The following PARD3 variants were observed in gnomAD, a reference collection of about 807,000 sequenced individuals.
PARD3 encodes partitioning defective 3 homolog.
A neutral mutation model predicts 155.4 loss-of-function variants in PARD3; 75 were observed. The observed-to-expected ratio is 0.48, with a 90% CI of 0.40 to 0.58. PARD3 has a LOEUF of 0.58. PARD3 is among the 20% of genes least tolerant of loss of function. PARD3 has a pLI of 0.00. For missense variants in PARD3, 1,642 were observed against 1,721.7 expected (o/e 0.95, Z 0.82); for synonymous variants, 576 against 610.5 (o/e 0.94, Z 0.83).
At chr10:34,357,043 A>G (rs1838957423) in intron 14 of PARD3, among the ~76,000 whole-genome samples, 1 of 152,236 alleles carries the variant, frequency 6.6e-6, no homozygotes, top group Admixed American at 6.5e-5. Flanking sequence ...CATATGGAGA[A>G]GTGAATAAAA....
At chr10:34,138,119 A>G (rs1487462648) in intron 22 of PARD3, among the ~76,000 whole-genome samples, 1 of 152,360 alleles carries the variant, frequency 6.6e-6, no homozygotes, top group African/African-American at 2.4e-5. Flanking sequence ...AGAAGAGTGG[A>G]ATCAAAGACA....
chr10:34,370,384 G>A (rs1237271467), intron 12 of PARD3, among the ~76,000 whole-genome samples: 1 of 152,124 alleles, frequency 6.6e-6, no homozygotes, highest in Non-Finnish European at 1.5e-5. Flanking sequence ...GGTGACTGAG[G>A]AATTCACAGC....
At chr10:34,598,494 C>T (rs989136723) in intron 2 of PARD3, among the ~76,000 whole-genome samples, 8 of 152,092 alleles carry the variant, frequency 5.3e-5, no homozygotes, top group Non-Finnish European at 7.4e-5. Flanking sequence ...TACACTGTAA[C>T]TTTTCAGAGC....
In PARD3 at chr10:34,217,039, C is replaced by T. The variant is rs1225127135; in HGVS notation, c.3419+52618G>A. ...ACTTCTGTGGTTATGAAACCTCAAA[C>T]GCTTATCCATCAGAGCATCATTCTT... On this transcript the variant is annotated intron_variant, in intron 22 of 24. Coordinates refer to ENST00000374788, the MANE Select transcript of PARD3 (RefSeq NM_001184785.2). 5.3e-5 allele frequency among the ~76,000 whole-genome samples: 8 copies of T among 152,312 alleles called. No homozygotes were observed. In the South Asian group the frequency reaches 6.2e-4, roughly 12 times the overall value.
chr10:34,332,117 A>T (rs987890112), intron 18 of PARD3, among the ~76,000 whole-genome samples: 1 of 152,210 alleles, frequency 6.6e-6, no homozygotes, highest in Admixed American at 6.5e-5. Context: ...ACGACTTAGC[A>T]ATTAACCAGA....
chr10:34,376,668 T>C (rs1004345115), intron 10 of PARD3, among the ~76,000 whole-genome samples: 1 of 152,154 alleles, frequency 6.6e-6, no homozygotes, highest in Admixed American at 6.5e-5. Context: ...GGAATAAAAT[T>C]TAAGGGATCT....
chr10:34,199,832 C>T (rs1951125092), intron 22 of PARD3, among the ~76,000 whole-genome samples: 1 of 152,088 alleles, frequency 6.6e-6, no homozygotes, highest in Non-Finnish European at 1.5e-5. Flanking sequence ...GCAATTTCTA[C>T]CTGGCTTCTC....
chr10:34,669,015 T>C (rs886312598), intron 2 of PARD3, among the ~76,000 whole-genome samples: 7 of 152,218 alleles, frequency 4.6e-5, no homozygotes, highest in Non-Finnish European at 8.8e-5. Context: ...CAGGTGGGAA[T>C]GTAAATTAGT....
At chr10:34,157,487 C>T (rs1410541027) in intron 22 of PARD3, among the ~76,000 whole-genome samples, 6 of 152,172 alleles carry the variant, frequency 3.9e-5, no homozygotes, top group Admixed American at 3.9e-4. Flanking sequence ...GCCATGTGCA[C>T]CTTTTTCTCC....
intron 5 of PARD3, among the ~76,000 whole-genome samples, chr10:34,441,484 A>G (rs79917727): frequency 0.016 from 2,509 of 152,328 alleles, 65 homozygotes; most frequent in African/African-American, 0.057. Flanking sequence ...GGACACACTC[A>G]TTGGAGGGAC....
intron 22 of PARD3, among the ~76,000 whole-genome samples, chr10:34,225,957 T>C (rs1009965236): frequency 2.6e-5 from 4 of 152,246 alleles, no homozygotes; most frequent in East Asian, 3.9e-4. Context: ...ACAAGCTACA[T>C]TGTTGTAACC....
intron 2 of PARD3, among the ~76,000 whole-genome samples, chr10:34,581,440 TG>T (rs1414262481): frequency 6.6e-6 from 1 of 151,798 alleles, no homozygotes; most frequent in African/African-American, 2.4e-5. Flanking sequence ...TTCACCATCT[TG>T]GCCAGGCTGG....
At chr10:34,398,926 G>C (rs537106502) in intron 7 of PARD3, among the ~76,000 whole-genome samples, 3 of 152,142 alleles carry the variant, frequency 2.0e-5, no homozygotes, top group East Asian at 1.9e-4. Context: ...CAAATTTAAA[G>C]CTTAAATCAA....
chr10:34,145,501 T>G (rs189099235), intron 22 of PARD3, among the ~76,000 whole-genome samples: 1 of 151,960 alleles, frequency 6.6e-6, no homozygotes, highest in East Asian at 1.9e-4. Context: ...CTCTTTGTCC[T>G]ATAGCTCATG....
chr10:34,458,370 T>C lies in PARD3; in HGVS notation c.583-7922A>G, dbSNP rs540791176. ...GGCACACATCACCACACATGGCTAATTTTTTAATTTTTTGTAGAGACTGAG... is the reference window on the plus strand; with the variant it reads ...GGCACACATCACCACACATGGCTAACTTTTTAATTTTTTGTAGAGACTGAG... On this transcript the variant is annotated intron_variant, in intron 4 of 24. Transcript: ENST00000374788. Among the ~76,000 whole-genome samples the C allele has an allele frequency of 7.9e-5, 12 of 152,236 alleles. 1 individual carries two copies. The highest frequency in any genetic ancestry group is 2.6e-4 in the African/African-American group (11 of 41,532).
chr10:34,548,124 A>G (rs1171537873), intron 2 of PARD3, among the ~76,000 whole-genome samples: 2 of 152,192 alleles, frequency 1.3e-5, no homozygotes, highest in African/African-American at 4.8e-5. Flanking sequence ...CATTTTCTGT[A>G]GGTCACAGGC....
At chr10:34,159,114 T>G (rs1949150595) in intron 22 of PARD3, among the ~76,000 whole-genome samples, 1 of 152,230 alleles carries the variant, frequency 6.6e-6, no homozygotes, top group African/African-American at 2.4e-5. Flanking sequence ...CAACTAGAAC[T>G]TCAGTGAAAG....
In PARD3 at chr10:34,247,526, C is replaced by T. The variant is rs928143867; in HGVS notation, c.3419+22131G>A. On this transcript the variant is annotated intron_variant, in intron 22 of 24. Transcript: ENST00000374788. The stretch of plus-strand genomic sequence containing the variant: ...AACAAAACAAACAAAACAAAAAACA[C>T]AAAAACAGACCCAGAAAGGACAGTG... 3.3e-5 allele frequency among the ~76,000 whole-genome samples: 5 copies of T among 151,932 alleles called. No individual in the cohort carries two copies. In the South Asian group the frequency reaches 1.0e-3, roughly 32 times the overall value.
chr10:34,484,620 T>A (rs2133242073), intron 3 of PARD3, among the ~76,000 whole-genome samples: 1 of 152,276 alleles, frequency 6.6e-6, no homozygotes, highest in South Asian at 2.1e-4. Context: ...TAGGATCTCA[T>A]AATATACAAC....
Sources: gnomAD v4.1 joint callset for allele counts (sites outside exome capture counted in the v4.1 genomes callset) on GRCh38, gnomAD v4.1.1 for gene constraint, MANE v1.5 for transcripts, NCBI Gene and HGNC (gene_info 2026-07-23, HGNC 2026-07-21) for gene names.